Variants in MGST2 observed in about 807,000 individuals in gnomAD.
MGST2 encodes the protein microsomal glutathione S-transferase 2.
In MGST2, 9 loss-of-function variants were observed where a neutral mutation model predicts 16.6. That is an observed-to-expected ratio of 0.54 (90% CI 0.33 to 0.95). The LOEUF (loss-of-function observed/expected upper bound fraction) is 0.95, where lower values mean the gene tolerates loss of function less well. Among genes scored for constraint, MGST2 ranks in the 40% least tolerant of loss-of-function variants. The pLI is 0.03. For missense variants in MGST2, 159 were observed against 175.1 expected (o/e 0.91, Z 0.52); for synonymous variants, 79 against 68.0 (o/e 1.16, Z -0.79).
chr4:139,673,621 C>G (rs887308245), intron 1 of MGST2, among the ~76,000 whole-genome samples: 1 of 152,092 alleles, frequency 6.6e-6, no homozygotes, highest in South Asian at 2.1e-4. Context: ...ACTATGTTGT[C>G]CAGGCTGGTC....
At chr4:139,716,686 G>A (rs904285272) in intron 5 of MGST2, 2 of 152,520 alleles carry the variant, frequency 1.3e-5, no homozygotes, top group Non-Finnish European at 2.9e-5. Context: ...TAAAACCCAG[G>A]AATAATATGT....
At chr4:139,674,261 C>T (rs75375798) in intron 1 of MGST2, among the ~76,000 whole-genome samples, 3,157 of 152,188 alleles carry the variant, frequency 0.021, 47 homozygotes, top group South Asian at 0.032. Flanking sequence ...TTGGTTCAGT[C>T]CGGAAAGGCG....
At chr4:139,717,035 C>T (rs758800956) in intron 5 of MGST2, 1 of 152,420 alleles carries the variant, frequency 6.6e-6, no homozygotes, top group East Asian at 1.9e-4. Context: ...TTTAAACAAA[C>T]AGTATATATA....
the MGST2 span, among the ~76,000 whole-genome samples, chr4:139,748,946 C>A: frequency 6.6e-6 from 1 of 152,168 alleles, no homozygotes; most frequent in East Asian, 1.9e-4. Context: ...GACCCTGCTT[C>A]TTTGGTGAAT....
chr4:139,735,408 G>T lies in MGST2; in HGVS notation c.*49-4804G>T, dbSNP rs1016671124. Reference sequence around the variant, plus strand: ...AGAATTCAAGTGGGGGAGGGCGCGGGAAGGGGACGTGGAGGGAAACGGAAG... The same window carrying T: ...AGAATTCAAGTGGGGGAGGGCGCGGTAAGGGGACGTGGAGGGAAACGGAAG... On this transcript the variant is annotated intron_variant, in intron 5 of 5. Transcript: ENST00000616265. This position sits in a 1 kb window ranked among gnomAD's most constrained non-coding sequence, Gnocchi z 5.8. Among the ~76,000 whole-genome samples the T allele has an allele frequency of 3.3e-5, 5 of 151,206 alleles. No homozygotes were observed. The highest frequency in any genetic ancestry group is 6.6e-5 in the Admixed American group (1 of 15,200).
At chr4:139,706,513 C>T (rs345976), downstream of MGST2, among the ~76,000 whole-genome samples, 130,873 of 152,268 alleles carry the variant, frequency 0.86, 56,248 homozygotes, top group East Asian at 0.9. Context: ...GTTTTATACA[C>T]TGAGACCAAT....
intron 1 of MGST2, among the ~76,000 whole-genome samples, chr4:139,672,179 G>C (rs8192034): frequency 6.6e-6 from 1 of 152,194 alleles, no homozygotes; most frequent in African/African-American, 2.4e-5. Flanking sequence ...CGTAAGAAAA[G>C]ATAGCACTTT....
chr4:139,746,030 C>T, the MGST2 span, among the ~76,000 whole-genome samples: 23 of 152,146 alleles, frequency 1.5e-4, no homozygotes, highest in East Asian at 1.9e-4. Context: ...CAAGTAATAA[C>T]GAAAGTTCTA....
chr4:139,678,938 CT>C (rs1237614484), intron 2 of MGST2: 8 of 491,076 alleles, frequency 1.6e-5, no homozygotes, highest in African/African-American at 1.5e-4. Flanking sequence ...AAGAGGCCCC[CT>C]GGAGCCTTGT....
At chr4:139,738,315 G>A (rs568603861) in intron 5 of MGST2, among the ~76,000 whole-genome samples, 13 of 152,318 alleles carry the variant, frequency 8.5e-5, no homozygotes, top group South Asian at 2.1e-4. Flanking sequence ...AGGCTAAGGC[G>A]GGTGGATCAC....
intron 5 of MGST2, among the ~76,000 whole-genome samples, chr4:139,726,913 G>A (rs1728494595): frequency 6.6e-6 from 1 of 152,184 alleles, no homozygotes; most frequent in Non-Finnish European, 1.5e-5. Context: ...TCAGTTCTAG[G>A]TCTGCCGTCA....
At chr4:139,749,629 C>T in the MGST2 span, among the ~76,000 whole-genome samples, 1 of 152,172 alleles carries the variant, frequency 6.6e-6, no homozygotes, top group African/African-American at 2.4e-5. Flanking sequence ...GACATGGAGG[C>T]CACATTTGTG....
chr4:139,711,892 A>G (rs1339193694), intron 5 of MGST2, among the ~76,000 whole-genome samples: 3 of 152,168 alleles, frequency 2.0e-5, no homozygotes, highest in Admixed American at 2.0e-4. Context: ...AATAGGGGCG[A>G]TGATATTCCT....
intron 5 of MGST2, among the ~76,000 whole-genome samples, chr4:139,712,857 A>G (rs926293684): frequency 5.9e-5 from 9 of 152,190 alleles, no homozygotes; most frequent in African/African-American, 2.2e-4. Context: ...AAAATGACCC[A>G]TTTCTCCAAT....
chr4:139,729,418 G>T (rs772624556), intron 5 of MGST2, among the ~76,000 whole-genome samples: 1 of 152,092 alleles, frequency 6.6e-6, no homozygotes, highest in Non-Finnish European at 1.5e-5. Flanking sequence ...CCAGAAGTTC[G>T]AGACCAGCCT....
intron 2 of MGST2, among the ~76,000 whole-genome samples, chr4:139,686,848 G>A (rs795593): frequency 0.93 from 141,605 of 152,274 alleles, 65,976 homozygotes; most frequent in East Asian, 1. Flanking sequence ...AGGAAATTCC[G>A]GATCTTCCCA....
At chr4:139,698,475 C>A in intron 3 of MGST2, 1 of 1,194,028 alleles carries the variant, frequency 8.4e-7, no homozygotes, top group Non-Finnish European at 1.3e-6. Flanking sequence ...CGCACTCTTG[C>A]GAGCGGCTTT....
intron 1 of MGST2, among the ~76,000 whole-genome samples, chr4:139,669,800 C>T (rs1208655512): frequency 6.6e-6 from 1 of 152,144 alleles, no homozygotes; most frequent in Non-Finnish European, 1.5e-5. Context: ...CCCAATAATC[C>T]AAAGGGGTAC....
At chr4:139,746,130 AT>A in the MGST2 span, among the ~76,000 whole-genome samples, 2 of 152,352 alleles carry the variant, frequency 1.3e-5, no homozygotes, top group African/African-American at 4.8e-5. Flanking sequence ...TCTCAGTTGG[AT>A]TTTTTATTAA....
Sources: gnomAD v4.1 joint callset for allele counts (sites outside exome capture counted in the v4.1 genomes callset) on GRCh38, gnomAD v4.1.1 for gene constraint, Gnocchi (gnomAD v3.1) non-coding constraint, MANE v1.5 for transcripts, NCBI Gene and HGNC (gene_info 2026-07-23, HGNC 2026-07-21) for gene names.